The following ALDH1B1 variants were observed in gnomAD, a reference collection of about 807,000 sequenced individuals.
ALDH1B1 encodes aldehyde dehydrogenase 1 family member B1.
Under a neutral mutation model 26.2 loss-of-function variants are expected in ALDH1B1, and 19 were observed. The observed-to-expected ratio is 0.72, with a 90% CI of 0.51 to 1.06. The LOEUF (loss-of-function observed/expected upper bound fraction) is 1.06. Ranked by LOEUF, ALDH1B1 falls within the 50% of genes least tolerant of loss-of-function variation. The probability of loss-of-function intolerance (pLI) is 0.00; values close to 1 mark genes in which losing one functional copy is unlikely to be tolerated. For synonymous variants in ALDH1B1, 249 were observed against 286.0 expected (o/e 0.87, Z 1.31); for missense variants, 671 against 683.1 (o/e 0.98, Z 0.20).
chr9:38,395,600 T>A (rs1821262446), intron 1 of ALDH1B1, 140 bp from the exon 2 acceptor site: 3 of 1,252,616 alleles, frequency 2.4e-6, no homozygotes, highest in Non-Finnish European at 3.2e-6. Flanking sequence ...ATCAGGGCCC[T>A]CACAGCTCTT....
chr9:38,395,941 AT>A lies in ALDH1B1; in HGVS notation c.195del (p.Ile65MetfsTer16). ...PTVNPTTGEV[I>X]GHVAEGDRAD... is the part of the protein sequence containing the mutation. ...GGTCAACCCTACCACCGGGGAGGTC[AT>A]TGGGCACGTGGCTGAAGGTGACCGG... is the stretch of plus-strand genomic sequence containing the variant. On this transcript the variant is annotated frameshift_variant, in exon 2 of 2. Coordinates refer to ENST00000377698, the MANE Select transcript of ALDH1B1 (RefSeq NM_000692.5). LOFTEE classifies it low-confidence loss of function (END_TRUNC). 1 of 1,613,928 alleles carries A rather than the reference AT, an allele frequency of 6.2e-7. No individual in the cohort carries two copies.
Position 38,396,078 on chromosome 9 carries a change from C to T in ALDH1B1, c.330C>T (p.Asp110=), listed in dbSNP as rs1261259837. 1 of 1,614,192 alleles carries T rather than the reference C, an allele frequency of 6.2e-7. No individual in the cohort carries two copies. The highest frequency in any genetic ancestry group is 1.1e-5 in the South Asian group (1 of 91,088). Residue 110 remains aspartate (D), a synonymous_variant, in exon 2 of 2, where the codon GAC becomes GAT. Transcript: ENST00000377698. ...GCCGGCTGCTGAACCGCCTGGCAGA[C>T]CTAGTGGAGCGGGATCGAGTCTACT... is the stretch of plus-strand genomic sequence containing the variant. ...ERGRLLNRLA[D]LVERDRVYLA...
Position 38,396,373 on chromosome 9 carries a change from A to G in ALDH1B1, c.625A>G (p.Lys209Glu). The G allele has an allele frequency of 6.2e-7, 1 of 1,614,086 alleles. No homozygotes were observed. The highest frequency in any genetic ancestry group is 8.5e-7 in the Non-Finnish European group (1 of 1,180,014). ...ALATGNTVVM[K>E]VAEQTPLSAL... ...CGCCACAGGCAACACTGTGGTTATG[A>G]AGGTGGCAGAGCAGACCCCCCTCTC... Residue 209 changes from lysine (K) to glutamate (E), a missense_variant, in exon 2 of 2, where the codon AAG (lysine) becomes GAG (glutamate). Lys to Glu is a moderately conservative substitution (Grantham distance 56). Coordinates refer to ENST00000377698, the MANE Select transcript of ALDH1B1 (RefSeq NM_000692.5).
At chr9:38,395,691 A>T in intron 1 of ALDH1B1, 49 bp from the exon 2 acceptor site, 1 of 1,519,730 alleles carries the variant, frequency 6.6e-7, no homozygotes. Context: ...GGGTACCGCC[A>T]CCTGCCTTCT....
In ALDH1B1 at chr9:38,397,248, G is replaced by C; in HGVS notation, c.1500G>C (p.Lys500Asn). Residue 500 changes from lysine (K) to asparagine (N), a missense_variant, in exon 2 of 2, where the codon AAG (lysine) becomes AAC (asparagine). Coordinates refer to ENST00000377698, the MANE Select transcript of ALDH1B1 (RefSeq NM_000692.5). Reference protein sequence around the residue: ...NGRELGEDGLKAYTEVKTVTI... With the variant: ...NGRELGEDGLNAYTEVKTVTI... ...GGGAGCTGGGTGAGGATGGGCTTAA[G>C]GCCTACACAGAGGTAAAGACGGTCA... is the stretch of plus-strand genomic sequence containing the variant. 6.2e-7 allele frequency: 1 copy of C among 1,614,184 alleles called. No individual in the cohort carries two copies. The highest frequency in any genetic ancestry group is 8.5e-7 in the Non-Finnish European group (1 of 1,180,046).
At chr9:38,394,544 G>T (rs9987823) in intron 1 of ALDH1B1, 63,745 of 968,520 alleles carry the variant, frequency 0.066, 3,089 homozygotes, top group East Asian at 0.37. Context: ...CTTCCACTTC[G>T]GCCTACCAAA....
In ALDH1B1 at chr9:38,392,708, G is replaced by T; in HGVS notation, c.-109G>T. On this transcript the variant is annotated 5_prime_UTR_variant, in exon 1 of 2. Coordinates refer to ENST00000377698, the MANE Select transcript of ALDH1B1 (RefSeq NM_000692.5). ...GCTGAGCCCCGGGCTGCGCGGAGGCGGGACCTGCGGCCAGCCCTGGGCGGC... is the reference window on the plus strand; with the variant it reads ...GCTGAGCCCCGGGCTGCGCGGAGGCTGGACCTGCGGCCAGCCCTGGGCGGC... 3 of 985,590 alleles carry T rather than the reference G, an allele frequency of 3.0e-6. No homozygotes were observed. The highest frequency in any genetic ancestry group is 3.6e-6 in the Non-Finnish European group (3 of 830,054). 61.1% of individuals were successfully genotyped at this position (985,590 alleles called of 1,614,324 possible).
intron 1 of ALDH1B1, chr9:38,394,555 G>A: frequency 2.0e-6 from 2 of 982,678 alleles, no homozygotes; most frequent in Non-Finnish European, 2.4e-6. Flanking sequence ...GCCTACCAAA[G>A]CGTTACCAGC....
chr9:38,396,200 G>C lies in ALDH1B1; in HGVS notation c.452G>C (p.Gly151Ala), dbSNP rs759004264. 6.8e-6 allele frequency: 11 copies of C among 1,614,196 alleles called. No individual in the cohort carries two copies. In the East Asian group the frequency reaches 2.5e-4, roughly 36 times the overall value. The change falls in exon 2 of 2, where the codon GGC becomes GCC. Residue 151 changes from glycine to alanine, a missense_variant. Coordinates refer to ENST00000377698, the MANE Select transcript of ALDH1B1 (RefSeq NM_000692.5). Reference sequence around the variant, plus strand: ...ATCAAGGTGTATCGGTACTTTGCTGGCTGGGCTGACAAGTGGCATGGCAAG... The same window carrying C: ...ATCAAGGTGTATCGGTACTTTGCTGCCTGGGCTGACAAGTGGCATGGCAAG... Reference protein sequence around the residue: ...EVIKVYRYFAGWADKWHGKTI... With the variant: ...EVIKVYRYFAAWADKWHGKTI...
In ALDH1B1 at chr9:38,398,180, A is replaced by G. The variant is rs1322914117; in HGVS notation, c.*878A>G. On this transcript the variant is annotated 3_prime_UTR_variant, in exon 2 of 2. Transcript: ENST00000377698. ...GATAGAGGAGTAATTGTTAGTGGGC[A>G]TGGGATTTGTTTTTGGGAGGTTTTG... 6.0e-6 allele frequency: 1 copy of G among 167,126 alleles called. No individual in the cohort carries two copies. Among genetic ancestry groups the G allele is most frequent in the Non-Finnish European group, 1.5e-5 (1 of 68,130 alleles). 10.4% of individuals were successfully genotyped at this position (167,126 alleles called of 1,614,324 possible).
chr9:38,393,310 C>T (rs116356878), intron 1 of ALDH1B1, among the ~76,000 whole-genome samples: 28 of 152,304 alleles, frequency 1.8e-4, no homozygotes, highest in African/African-American at 6.3e-4. Flanking sequence ...GTCCCTGAAC[C>T]TCTCTGATGC....
At chr9:38,392,914 T>G in intron 1 of ALDH1B1, 107 bp downstream of exon 1, 17 of 985,730 alleles carry the variant, frequency 1.7e-5, no homozygotes, top group Non-Finnish European at 2.0e-5. Context: ...GGGGCTGGCC[T>G]TTCCGCCGTT....
intron 1 of ALDH1B1, chr9:38,394,439 C>T (rs951363269): frequency 4.0e-6 from 1 of 252,620 alleles, no homozygotes; most frequent in Admixed American, 6.5e-5. Context: ...CAGGCATGCA[C>T]CACTATGCTC....
Position 38,398,321 on chromosome 9 carries a change from T to G in ALDH1B1, c.*1019T>G, listed in dbSNP as rs1365613535. 1 of 160,682 alleles carries G rather than the reference T, an allele frequency of 6.2e-6. No homozygotes were observed. The highest frequency in any genetic ancestry group is 2.5e-5 in the African/African-American group (1 of 40,710). The allele number at this position is 160,682 out of a possible 1,614,324, so 10.0% of individuals were successfully genotyped here. A position where few individuals can be genotyped will look rare whatever the true frequency, so the allele number is the denominator to read the frequency against. On this transcript the variant is annotated 3_prime_UTR_variant, in exon 2 of 2. Transcript: ENST00000377698. ...TAATTTCTTTCTTTTTTTCTTTTTT[T>G]TTTTTTTTTTTGACACGGAGTCTCA... is the stretch of plus-strand genomic sequence containing the variant.
Position 38,396,770 on chromosome 9 carries a change from A to C in ALDH1B1, c.1022A>C (p.Glu341Ala), listed in dbSNP as rs965216089. The C allele has an allele frequency of 2.7e-5, 43 of 1,614,214 alleles. No individual in the cohort carries two copies. Among genetic ancestry groups the C allele is most frequent in the Non-Finnish European group, 3.6e-5 (43 of 1,180,044 alleles). ...IYNEFLERTVEKAKQRKVGNP... is the reference protein window; with the variant it reads ...IYNEFLERTVAKAKQRKVGNP... ...AATGAGTTTCTCGAGAGAACCGTGGAGAAAGCAAAGCAGAGGAAAGTGGGG... is the reference window on the plus strand; with the variant it reads ...AATGAGTTTCTCGAGAGAACCGTGGCGAAAGCAAAGCAGAGGAAAGTGGGG... The change falls in exon 2 of 2, where the codon GAG (glutamate) becomes GCG (alanine). Residue 341 changes from glutamate (E) to alanine (A), a missense_variant. Transcript: ENST00000377698.
intron 1 of ALDH1B1, among the ~76,000 whole-genome samples, chr9:38,393,438 G>C (rs1335387046): frequency 6.6e-6 from 1 of 152,200 alleles, no homozygotes; most frequent in African/African-American, 2.4e-5. Context: ...GATGCTCTGT[G>C]AGCTGTGATC....
rs764733393 is a variant in ALDH1B1 at position 38,396,821 on chromosome 9, AG to A, written c.1077del (p.Pro360LeufsTer12). On this transcript the variant is annotated frameshift_variant, in exon 2 of 2. Coordinates refer to ENST00000377698, the MANE Select transcript of ALDH1B1 (RefSeq NM_000692.5). LOFTEE classifies it high-confidence loss of function. ...VGNPFELDTQ[Q>X]GPQVDKEQFE... ...AACCCCTTTGAGCTGGACACCCAGC[AG>A]GGGCCTCAGGTGGACAAGGAGCAGT... is the stretch of plus-strand genomic sequence containing the variant. The A allele has an allele frequency of 6.2e-7, 1 of 1,614,246 alleles. No individual in the cohort carries two copies. Among genetic ancestry groups the A allele is most frequent in the Admixed American group, 1.7e-5 (1 of 60,030 alleles).
chr9:38,396,028 C>G lies in ALDH1B1; in HGVS notation c.280C>G (p.Arg94Gly), dbSNP rs764953479. Residue 94 changes from arginine (R) to glycine (G), a missense_variant, in exon 2 of 2, where the codon CGC (arginine) becomes GGC (glycine). Coordinates refer to ENST00000377698, the MANE Select transcript of ALDH1B1 (RefSeq NM_000692.5). ...AGCCTTCCGCCTGGGGTCCCCATGG[C>G]GCCGGATGGATGCCTCTGAGCGGGG... is the stretch of plus-strand genomic sequence containing the variant. ...REAFRLGSPW[R>G]RMDASERGRL... 4.3e-6 allele frequency: 7 copies of G among 1,613,696 alleles called. No individual in the cohort carries two copies. The highest frequency in any genetic ancestry group is 1.3e-5 in the African/African-American group (1 of 74,942).
chr9:38,396,922 G>C lies in ALDH1B1; in HGVS notation c.1174G>C (p.Gly392Arg). The stretch of plus-strand genomic sequence containing the variant: ...ACTCCTCTGTGGCGGAGAGCGTTTC[G>C]GGGAGCGTGGTTTCTTCATCAAGCC... ...AKLLCGGERF[G>R]ERGFFIKPTV... Residue 392 changes from glycine to arginine, a missense_variant, in exon 2 of 2, where the codon GGG becomes CGG. Gly to Arg is a moderately radical substitution (Grantham distance 125). Coordinates refer to ENST00000377698, the MANE Select transcript of ALDH1B1 (RefSeq NM_000692.5). 6.2e-7 allele frequency: 1 copy of C among 1,614,156 alleles called. No individual in the cohort carries two copies. The highest frequency in any genetic ancestry group is 1.1e-5 in the South Asian group (1 of 91,080).
Sources: allele counts gnomAD v4.1 joint callset (sites outside exome capture counted in the v4.1 genomes callset), GRCh38; gene constraint gnomAD v4.1.1; transcripts MANE v1.5; gene names NCBI Gene and HGNC (gene_info 2026-07-23, HGNC 2026-07-21).